The following EEA1 variants were observed in gnomAD, a reference collection of about 807,000 sequenced individuals.
EEA1 encodes early endosome antigen 1, 162kD.
Under a neutral mutation model 209.2 loss-of-function variants are expected in EEA1, and 111 were observed. That is an observed-to-expected ratio of 0.53 (90% CI 0.45 to 0.62). The LOEUF is 0.62. Ranked by LOEUF, EEA1 falls within the 20% of genes least tolerant of loss-of-function variation. EEA1 has a pLI of 0.00. For synonymous variants in EEA1, 536 were observed against 540.6 expected (o/e 0.99, Z 0.12); for missense variants, 1,343 against 1,530.8 (o/e 0.88, Z 2.05).
Position 92,929,166 on chromosome 12 carries a change from G to A in EEA1, c.-100C>T, listed in dbSNP as rs1276099542. On this transcript the variant is annotated 5_prime_UTR_variant, in exon 1 of 29. Coordinates refer to ENST00000322349, the MANE Select transcript of EEA1 (RefSeq NM_003566.4). ...CGGGCGGGAGGGACTGGGCCGGGAGGGGACCGGGAAGGAGGTCGGGGCGAG... is the reference window on the plus strand; with the variant it reads ...CGGGCGGGAGGGACTGGGCCGGGAGAGGACCGGGAAGGAGGTCGGGGCGAG... 5 of 1,296,484 alleles carry A rather than the reference G, an allele frequency of 3.9e-6. No individual in the cohort carries two copies. The highest frequency in any genetic ancestry group is 1.5e-5 in the African/African-American group (1 of 64,806). 80.3% of individuals were successfully genotyped at this position (1,296,484 alleles called of 1,614,324 possible). A position where few individuals can be genotyped will look rare whatever the true frequency, so the allele number is the denominator to read the frequency against.
intron 5 of EEA1, among the ~76,000 whole-genome samples, chr12:92,854,448 C>G (rs1054267660): frequency 6.6e-6 from 1 of 152,128 alleles, no homozygotes; most frequent in African/African-American, 2.4e-5. Flanking sequence ...CTGTTAGACC[C>G]CATATGTGAG....
intron 1 of EEA1, among the ~76,000 whole-genome samples, chr12:92,900,457 C>G (rs1429625095): frequency 1.3e-5 from 2 of 151,466 alleles, no homozygotes; most frequent in Non-Finnish European, 2.9e-5. Flanking sequence ...CATTTAATGC[C>G]CACAAAATTT....
At chr12:92,835,171 G>A (rs761423940) in intron 10 of EEA1, among the ~76,000 whole-genome samples, 9 of 151,932 alleles carry the variant, frequency 5.9e-5, no homozygotes, top group Non-Finnish European at 7.4e-5. Flanking sequence ...CTGAGCCACC[G>A]CGCCTGGCCA....
At chr12:92,776,405 T>C (rs190979543) in intron 28 of EEA1, among the ~76,000 whole-genome samples, 332 of 152,048 alleles carry the variant, frequency 2.2e-3, no homozygotes, top group Non-Finnish European at 4.1e-3. Flanking sequence ...AAAGTTTTTA[T>C]AAAGTATCTC....
chr12:92,834,868 T>C (rs1876840984), intron 10 of EEA1, among the ~76,000 whole-genome samples: 1 of 152,104 alleles, frequency 6.6e-6, no homozygotes, highest in Admixed American at 6.5e-5. Context: ...CATTAATCTA[T>C]AAATCATCTT....
chr12:92,850,669 G>A (rs111826602), intron 9 of EEA1, among the ~76,000 whole-genome samples: 2,237 of 105,380 alleles, frequency 0.021, 31 homozygotes, highest in Middle Eastern at 0.09. Flanking sequence ...CAGCCTGGGT[G>A]ACAGAGCAAG....
At chr12:92,864,790 T>G (rs1878300124) in intron 3 of EEA1, 70 bp downstream of exon 3, 1 of 1,371,912 alleles carries the variant, frequency 7.3e-7, no homozygotes, top group African/African-American at 1.5e-5. Flanking sequence ...ATAAGCTAAT[T>G]AATCATGATT....
intron 13 of EEA1, among the ~76,000 whole-genome samples, chr12:92,822,516 T>A (rs1876106785): frequency 6.6e-6 from 1 of 152,028 alleles, no homozygotes; most frequent in African/African-American, 2.4e-5. Context: ...CAAACCCACA[T>A]TTGAAGGTGC....
At chr12:92,891,875 C>T (rs1006940056) in intron 1 of EEA1, among the ~76,000 whole-genome samples, 154 bp from the exon 2 acceptor site, 2 of 152,108 alleles carry the variant, frequency 1.3e-5, no homozygotes, top group Non-Finnish European at 2.9e-5. Context: ...AAGAGTGTAC[C>T]TAATGCTGTA....
chr12:92,842,677 T>G, intron 9 of EEA1, 96 bp from the exon 10 acceptor site: 1 of 758,112 alleles, frequency 1.3e-6, no homozygotes. Flanking sequence ...AAACAAATTT[T>G]TTGTTGTTGG....
In EEA1 at chr12:92,780,316, G is replaced by C. The variant is rs139217230; in HGVS notation, c.3432C>G (p.Asn1144Lys). ...CRQEKEITKL[N>K]EELKSHKLES... ...CTAGTTTGTGGGACTTGAGTTCTTC[G>C]TTTAGTTTAGTGATTTCTTTTTCTT... The change falls in exon 24 of 29, where the codon AAC becomes AAG. Residue 1144 changes from asparagine (N) to lysine (K), a missense_variant. This residue lies in a region of EEA1 where 1,307 missense variants were observed against 1,465.5 expected (regional missense o/e 0.89). Coordinates refer to ENST00000322349, the MANE Select transcript of EEA1 (RefSeq NM_003566.4). 6.2e-7 allele frequency: 1 copy of C among 1,601,694 alleles called. No homozygotes were observed. The highest frequency in any genetic ancestry group is 8.5e-7 in the Non-Finnish European group (1 of 1,176,116).
intron 2 of EEA1, among the ~76,000 whole-genome samples, chr12:92,886,796 A>T (rs1468540335): frequency 6.6e-6 from 1 of 152,074 alleles, no homozygotes; most frequent in East Asian, 1.9e-4. Context: ...CAGGAGATCG[A>T]GACCATCCTG....
intron 1 of EEA1, among the ~76,000 whole-genome samples, chr12:92,903,664 G>GA (rs1880247738): frequency 6.6e-6 from 1 of 151,206 alleles, no homozygotes; most frequent in Non-Finnish European, 1.5e-5. Flanking sequence ...ATTAAAAAAA[G>GA]AAAAAACAAA....
At chr12:92,906,204 A>C (rs1315235652) in intron 1 of EEA1, among the ~76,000 whole-genome samples, 1 of 149,760 alleles carries the variant, frequency 6.7e-6, no homozygotes, top group Admixed American at 6.7e-5. Flanking sequence ...ATATCCTCCC[A>C]CCTCAGCATC....
chr12:92,871,421 G>A (rs181555950), intron 2 of EEA1, among the ~76,000 whole-genome samples: 1 of 152,160 alleles, frequency 6.6e-6, no homozygotes, highest in Non-Finnish European at 1.5e-5. Context: ...TAACACTGGA[G>A]TCATTAAGAA....
At chr12:92,921,879 A>AG (rs1279956800) in intron 1 of EEA1, among the ~76,000 whole-genome samples, 3 of 149,600 alleles carry the variant, frequency 2.0e-5, no homozygotes, top group Non-Finnish European at 4.5e-5. Flanking sequence ...AAAAAAAAAA[A>AG]AAAAAAAGAA....
Position 92,782,020 on chromosome 12 carries a change from T to A in EEA1, c.3266A>T (p.Gln1089Leu). ...TTGCTGTTCTTTCTTTGCTGAATCC[T>A]GCTCCAATGTAGCCTTGGCAGTCTT... ...ELKTAKATLE[Q>L]DSAKKEQQLQ... Residue 1089 changes from glutamine to leucine, a missense_variant, in exon 23 of 29, where the codon CAG becomes CTG. Physicochemically the swap from Gln to Leu is moderately radical, Grantham distance 113. This residue lies in a region of EEA1 where 1,307 missense variants were observed against 1,465.5 expected (regional missense o/e 0.89). Transcript: ENST00000322349. The A allele has an allele frequency of 6.2e-7, 1 of 1,613,394 alleles. No homozygotes were observed. Among genetic ancestry groups the A allele is most frequent in the South Asian group, 1.1e-5 (1 of 91,008 alleles).
In EEA1 at chr12:92,809,049, T is replaced by C. The variant is rs1310401198; in HGVS notation, c.2307A>G (p.Glu769=). 3.7e-6 allele frequency: 6 copies of C among 1,603,658 alleles called. No individual in the cohort carries two copies. Among genetic ancestry groups the C allele is most frequent in the Non-Finnish European group, 5.1e-6 (6 of 1,174,630 alleles). Residue 769 remains glutamate (E), a synonymous_variant, in exon 18 of 29, where the codon GAA becomes GAG. Transcript: ENST00000322349. ...LNTDLELRAT[E]LSKQLEMEKE... Reference sequence around the variant, plus strand: ...TCTCCATTTCAAGTTGTTTACTCAATTCTGTGGCTCTGAGCTCTAAATCTG... The same window carrying C: ...TCTCCATTTCAAGTTGTTTACTCAACTCTGTGGCTCTGAGCTCTAAATCTG...
rs1875357459 is a variant in EEA1 at position 92,809,138 on chromosome 12, G to C, written c.2218C>G (p.Leu740Val). ...TGCTCCTTGCTTGCTTTAACTTCAAGACTATCAGCTTCTAGTTTCTATGAA... is the reference window on the plus strand; with the variant it reads ...TGCTCCTTGCTTGCTTTAACTTCAACACTATCAGCTTCTAGTTTCTATGAA... ...GQIKKLEADSLEVKASKEQAL... is the reference protein window; with the variant it reads ...GQIKKLEADSVEVKASKEQAL... The change falls in exon 18 of 29, where the codon CTT becomes GTT. Residue 740 changes from leucine (L) to valine (V), a missense_variant. Physicochemically the swap from Leu to Val is conservative, Grantham distance 32. This residue lies in a region of EEA1 where 1,307 missense variants were observed against 1,465.5 expected (regional missense o/e 0.89). Transcript: ENST00000322349. The C allele has an allele frequency of 6.3e-7, 1 of 1,582,346 alleles. No individual in the cohort carries two copies. The highest frequency in any genetic ancestry group is 1.4e-5 in the African/African-American group (1 of 73,642).
Sources: allele counts gnomAD v4.1 joint callset (sites outside exome capture counted in the v4.1 genomes callset), GRCh38; gene constraint gnomAD v4.1.1; regional missense constraint gnomAD v4.1.1; transcripts MANE v1.5; gene names NCBI Gene and HGNC (gene_info 2026-07-23, HGNC 2026-07-21).